Variants in FHAD1 observed in about 807,000 individuals in gnomAD.
The protein encoded by FHAD1 is forkhead associated phosphopeptide binding domain 1.
Under a neutral mutation model 191.3 loss-of-function variants are expected in FHAD1, and 146 were observed. That is an observed-to-expected ratio of 0.76 (90% CI 0.67 to 0.88). The LOEUF is 0.88. FHAD1 is among the 40% of genes least tolerant of loss of function. The pLI is 0.00. For synonymous variants in FHAD1, 616 were observed against 672.3 expected (o/e 0.92, Z 1.29); for missense variants, 1,635 against 1,785.8 (o/e 0.92, Z 1.52).
At chr1:15,326,592 C>G (rs1183571984) in intron 11 of FHAD1, 1 of 153,588 alleles carries the variant, frequency 6.5e-6, no homozygotes, top group Non-Finnish European at 1.4e-5. Flanking sequence ...ACATAGTCTT[C>G]AGGACTCTTA....
chr1:15,390,361 A>C (rs1263604839), intron 32 of FHAD1, among the ~76,000 whole-genome samples: 1 of 151,366 alleles, frequency 6.6e-6, no homozygotes, highest in Non-Finnish European at 1.5e-5. Flanking sequence ...AAAAAAAAAA[A>C]AAAAAAGGCA....
chr1:15,356,857 G>C (rs928424157), intron 20 of FHAD1, among the ~76,000 whole-genome samples: 1 of 143,918 alleles, frequency 6.9e-6, no homozygotes, highest in African/African-American at 2.6e-5. Flanking sequence ...GGGCAACAGA[G>C]CAAGACTCCA....
At chr1:15,392,285 C>T (rs1704276082) in intron 33 of FHAD1, among the ~76,000 whole-genome samples, 1 of 152,208 alleles carries the variant, frequency 6.6e-6, no homozygotes. Context: ...GTAATCCCAG[C>T]ACTTTGGGAG....
At chr1:15,301,661 T>C (rs1668813905) in intron 6 of FHAD1, among the ~76,000 whole-genome samples, 1 of 152,254 alleles carries the variant, frequency 6.6e-6, no homozygotes, top group Non-Finnish European at 1.5e-5. Context: ...CAAGAACTAG[T>C]GCAAAGCGCT....
At chr1:15,245,282 G>A (rs1480790435), upstream of FHAD1, among the ~76,000 whole-genome samples, 1 of 152,140 alleles carries the variant, frequency 6.6e-6, no homozygotes, top group Non-Finnish European at 1.5e-5. Flanking sequence ...ATAGAGTGTT[G>A]AGGTTTTTAT....
At chr1:15,250,137 A>G (rs1007368818) in intron 1 of FHAD1, among the ~76,000 whole-genome samples, 2 of 152,230 alleles carry the variant, frequency 1.3e-5, no homozygotes, top group Non-Finnish European at 2.9e-5. Flanking sequence ...CCATAGTCCA[A>G]TAATTTGTCA....
At chr1:15,382,299 G>A in intron 31 of FHAD1, 106 bp downstream of exon 31, 2 of 1,182,720 alleles carry the variant, frequency 1.7e-6, no homozygotes, top group Non-Finnish European at 2.3e-6. Flanking sequence ...AGAACACAGG[G>A]ATGGATGCAA....
At chr1:15,238,007 T>C (rs1368271186) in intron 1 of FHAD1, among the ~76,000 whole-genome samples, 2 of 151,656 alleles carry the variant, frequency 1.3e-5, no homozygotes, top group South Asian at 2.1e-4. Flanking sequence ...TCCCAGCACT[T>C]TGGGAGGCTG....
intron 4 of FHAD1, among the ~76,000 whole-genome samples, chr1:15,290,806 T>C (rs1378551139): frequency 6.6e-6 from 1 of 152,092 alleles, no homozygotes; most frequent in Admixed American, 6.6e-5. Flanking sequence ...CCTTCTGGGT[T>C]CACGCCATTC....
chr1:15,379,558 G>T lies in FHAD1; in HGVS notation c.3706-1143G>T, dbSNP rs964111755. Among the ~76,000 whole-genome samples the T allele has an allele frequency of 3.3e-5, 5 of 152,306 alleles. No individual in the cohort carries two copies. In the East Asian group the frequency reaches 9.7e-4, roughly 29 times the overall value. On this transcript the variant is annotated intron_variant, in intron 28 of 33. Coordinates refer to ENST00000688493, the MANE Select transcript of FHAD1 (RefSeq NM_001391957.1). ...TCTTATACTAATCCTCCTCAGCACA[G>T]ACCCTTTACGGGTGTCTGGCTGGGG...
Position 15,362,674 on chromosome 1 carries a change from G to T in FHAD1, c.2995G>T (p.Val999Leu), listed in dbSNP as rs1238374012. ...PKEERPQDPL[V>L]APMTESSAKD... ...GGAGGAAAGGCCGCAAGACCCTCTG[G>T]TGGCTCCCATGACAGAGAGCAGTGC... is the stretch of plus-strand genomic sequence containing the variant. Residue 999 changes from valine (V) to leucine (L), a missense_variant, in exon 23 of 34, where the codon GTG (valine) becomes TTG (leucine). Val to Leu is a conservative substitution (Grantham distance 32, BLOSUM62 1). Coordinates refer to ENST00000688493, the MANE Select transcript of FHAD1 (RefSeq NM_001391957.1). 3 of 1,551,718 alleles carry T rather than the reference G, an allele frequency of 1.9e-6. No homozygotes were observed. The African/African-American group carries it at 4.1e-5, about 21-fold the overall frequency.
chr1:15,336,110 C>T (rs7549599), intron 14 of FHAD1, among the ~76,000 whole-genome samples: 38,214 of 152,060 alleles, frequency 0.25, 5,571 homozygotes, highest in South Asian at 0.32. Flanking sequence ...TCTCAAGCCT[C>T]CAAACCCTTT....
chr1:15,352,135 T>C (rs1691123909), intron 19 of FHAD1, among the ~76,000 whole-genome samples: 1 of 152,226 alleles, frequency 6.6e-6, no homozygotes, highest in African/African-American at 2.4e-5. Flanking sequence ...AACTGTCACT[T>C]ACATTTCAGT....
At chr1:15,252,501 T>C (rs957935617) in intron 2 of FHAD1, among the ~76,000 whole-genome samples, 3 of 152,144 alleles carry the variant, frequency 2.0e-5, no homozygotes, top group Admixed American at 6.5e-5. Flanking sequence ...TGATTGAAAG[T>C]TGCTTTCACC....
At chr1:15,299,220 A>AAAAAG (rs1667948702) in intron 5 of FHAD1, among the ~76,000 whole-genome samples, 1 of 119,838 alleles carries the variant, frequency 8.3e-6, no homozygotes, top group African/African-American at 4.3e-5. Flanking sequence ...AAAAAAAAGG[A>AAAAAG]AAAAAAAAAA....
chr1:15,385,810 A>G (rs1380095661), intron 31 of FHAD1, among the ~76,000 whole-genome samples: 1 of 152,214 alleles, frequency 6.6e-6, no homozygotes, highest in East Asian at 1.9e-4. Flanking sequence ...TTCTATACTA[A>G]TACCTCTGGC....
chr1:15,237,459 G>T (rs1174760166), intron 1 of FHAD1, among the ~76,000 whole-genome samples: 3 of 152,048 alleles, frequency 2.0e-5, no homozygotes, highest in Admixed American at 6.5e-5. Context: ...CAGGTCAAGT[G>T]ATTCCTTTTT....
chr1:15,381,503 T>C lies in FHAD1; in HGVS notation c.4022+52T>C, dbSNP rs1700897238. 3 of 1,400,140 alleles carry C rather than the reference T, an allele frequency of 2.1e-6. No individual in the cohort carries two copies. The Admixed American group carries it at 6.0e-5, about 28-fold the overall frequency. 86.7% of individuals were successfully genotyped at this position (1,400,140 alleles called of 1,614,324 possible). ...AGAAAGGCCCGGGCCTCCCTTCTCC[T>C]GGCTAAACTCAGGCTAGCAGCAGAC... is the stretch of plus-strand genomic sequence containing the variant. On this transcript the variant is annotated intron_variant, in intron 30 of 33. Coordinates refer to ENST00000688493, the MANE Select transcript of FHAD1 (RefSeq NM_001391957.1). The surrounding 1 kb of genome is among the most constrained non-coding windows in gnomAD (Gnocchi z 4.6).
chr1:15,262,797 G>C (rs1346168640), intron 2 of FHAD1, among the ~76,000 whole-genome samples: 1 of 152,172 alleles, frequency 6.6e-6, no homozygotes, highest in Non-Finnish European at 1.5e-5. Flanking sequence ...TTGAGACCCT[G>C]CTTTCAATTC....
Sources: allele counts gnomAD v4.1 joint callset (sites outside exome capture counted in the v4.1 genomes callset), GRCh38; gene constraint gnomAD v4.1.1; non-coding constraint Gnocchi (gnomAD v3.1); transcripts MANE v1.5; gene names NCBI Gene and HGNC (gene_info 2026-07-23, HGNC 2026-07-21).